The following PPARGC1A variants were observed in gnomAD, a reference collection of about 807,000 sequenced individuals.
PPARGC1A encodes peroxisome proliferator-activated receptor gamma coactivator 1-alpha.
In PPARGC1A, 25 loss-of-function variants were observed where a neutral mutation model predicts 88.7. The observed-to-expected ratio is 0.28, with a 90% CI of 0.21 to 0.39. The LOEUF is 0.39. PPARGC1A is among the 10% of genes least tolerant of loss of function. The pLI is 1.00. For synonymous variants in PPARGC1A, 363 were observed against 355.6 expected (o/e 1.02, Z -0.24); for missense variants, 880 against 968.7 (o/e 0.91, Z 1.22).
At chr4:23,827,158 C>T (rs1724103544) in intron 5 of PPARGC1A, among the ~76,000 whole-genome samples, 1 of 152,124 alleles carries the variant, frequency 6.6e-6, no homozygotes, top group Non-Finnish European at 1.5e-5. Flanking sequence ...TATATTTTCC[C>T]AAACTGACAG....
the PPARGC1A span, among the ~76,000 whole-genome samples, chr4:24,204,490 G>T: frequency 6.6e-6 from 1 of 151,886 alleles, no homozygotes; most frequent in African/African-American, 2.4e-5. Flanking sequence ...AGGAAAGGAA[G>T]GAAAAGGGAG....
chr4:24,264,132 A>G, the PPARGC1A span, among the ~76,000 whole-genome samples: 4 of 152,124 alleles, frequency 2.6e-5, no homozygotes, highest in Non-Finnish European at 5.9e-5. Flanking sequence ...TAAAATATTT[A>G]TTGACTGTTT....
the PPARGC1A span, among the ~76,000 whole-genome samples, chr4:24,147,620 A>G: frequency 6.6e-6 from 1 of 152,150 alleles, no homozygotes; most frequent in African/African-American, 2.4e-5. Context: ...TAGACTGACC[A>G]ATGGCCAATT....
the PPARGC1A span, among the ~76,000 whole-genome samples, chr4:24,320,213 TG>T: frequency 6.6e-6 from 1 of 152,254 alleles, no homozygotes; most frequent in Non-Finnish European, 1.5e-5. Flanking sequence ...TGAGACATTT[TG>T]TTTCCTGGAG....
At chr4:24,231,480 G>A in the PPARGC1A span, among the ~76,000 whole-genome samples, 1 of 152,124 alleles carries the variant, frequency 6.6e-6, no homozygotes, top group African/African-American at 2.4e-5. Flanking sequence ...TTGCCTCAAG[G>A]CCCAGAGTGA....
At chr4:24,140,754 C>T in the PPARGC1A span, among the ~76,000 whole-genome samples, 6 of 152,266 alleles carry the variant, frequency 3.9e-5, no homozygotes, top group Middle Eastern at 3.4e-3. Flanking sequence ...CATGAACATG[C>T]TTATCCTCAG....
chr4:24,404,369 C>T, the PPARGC1A span, among the ~76,000 whole-genome samples: 3 of 151,716 alleles, frequency 2.0e-5, no homozygotes, highest in African/African-American at 7.3e-5. Flanking sequence ...GCCATGAAAG[C>T]CTTCTTAAAA....
At chr4:24,171,204 G>A in the PPARGC1A span, among the ~76,000 whole-genome samples, 3 of 152,128 alleles carry the variant, frequency 2.0e-5, no homozygotes, top group Admixed American at 6.5e-5. Flanking sequence ...TCAAGGGATC[G>A]AGACCATCCT....
the PPARGC1A span, among the ~76,000 whole-genome samples, chr4:24,198,667 G>A: frequency 1.3e-5 from 2 of 152,178 alleles, no homozygotes; most frequent in Non-Finnish European, 2.9e-5. Flanking sequence ...TCGAGCCTAA[G>A]GCCAGGACAT....
chr4:24,291,366 C>G, the PPARGC1A span, among the ~76,000 whole-genome samples: 2 of 152,126 alleles, frequency 1.3e-5, no homozygotes, highest in Admixed American at 6.6e-5. Flanking sequence ...AGCCATTCTA[C>G]GTAAATACAT....
At chr4:24,447,304 G>T in the PPARGC1A span, among the ~76,000 whole-genome samples, 15 of 152,314 alleles carry the variant, frequency 9.8e-5, no homozygotes, top group African/African-American at 3.4e-4. Context: ...ACCAGGGGCT[G>T]AGCCAAACAG....
At chr4:23,956,990 G>A in the PPARGC1A span, among the ~76,000 whole-genome samples, 1 of 152,100 alleles carries the variant, frequency 6.6e-6, no homozygotes, top group African/African-American at 2.4e-5. Context: ...ATTGCACCAA[G>A]TTACAGTGCT....
the PPARGC1A span, among the ~76,000 whole-genome samples, chr4:24,170,941 AC>A: frequency 5.2e-3 from 788 of 151,340 alleles, 7 homozygotes; most frequent in African/African-American, 0.018. Flanking sequence ...CAACCATCTG[AC>A]CCCCTGGCTG....
At chr4:24,218,523 T>G in the PPARGC1A span, among the ~76,000 whole-genome samples, 3 of 152,220 alleles carry the variant, frequency 2.0e-5, no homozygotes, top group Non-Finnish European at 2.9e-5. Context: ...GGCTGGCCCA[T>G]GATGTGGATA....
At chr4:24,084,543 T>C in the PPARGC1A span, among the ~76,000 whole-genome samples, 4 of 152,186 alleles carry the variant, frequency 2.6e-5, no homozygotes, top group African/African-American at 9.6e-5. Flanking sequence ...TTGGCCTAAG[T>C]GTCATTTGTT....
the PPARGC1A span, among the ~76,000 whole-genome samples, chr4:24,322,117 G>A: frequency 1.3e-5 from 2 of 152,174 alleles, no homozygotes; most frequent in Admixed American, 6.5e-5. Context: ...GTTACCCACC[G>A]AGTTAAAATC....
the PPARGC1A span, among the ~76,000 whole-genome samples, chr4:24,334,732 T>G: frequency 6.6e-6 from 1 of 152,214 alleles, no homozygotes; most frequent in African/African-American, 2.4e-5. Context: ...GGGAGCTGTT[T>G]CAAACACATT....
chr4:24,399,688 C>T, the PPARGC1A span, among the ~76,000 whole-genome samples: 1 of 152,136 alleles, frequency 6.6e-6, no homozygotes, highest in South Asian at 2.1e-4. Context: ...CTCATTTCCA[C>T]CAGACAATAT....
At chr4:24,049,227 CATATATATAAATATATAT>C in the PPARGC1A span, among the ~76,000 whole-genome samples, 12 of 138,258 alleles carry the variant, frequency 8.7e-5, no homozygotes, top group Admixed American at 2.2e-4. Flanking sequence ...TATATATATA[CATATATATAAATATATAT>C]ACACATATAT....
Sources: allele counts gnomAD v4.1 joint callset (sites outside exome capture counted in the v4.1 genomes callset), GRCh38; gene constraint gnomAD v4.1.1; transcripts MANE v1.5; gene names NCBI Gene and HGNC (gene_info 2026-07-23, HGNC 2026-07-21).